Variants in SLC22A15 observed in about 807,000 individuals in gnomAD.
The protein encoded by SLC22A15 is solute carrier family 22 member 15.
In SLC22A15, 45 loss-of-function variants were observed where a neutral mutation model predicts 62.7. That is an observed-to-expected ratio of 0.72 (90% CI 0.56 to 0.92). The LOEUF is 0.92. Among genes scored for constraint, SLC22A15 ranks in the 40% least tolerant of loss-of-function variants. SLC22A15 has a pLI of 0.00. For synonymous variants in SLC22A15, 264 were observed against 267.0 expected (o/e 0.99, Z 0.11); for missense variants, 622 against 665.6 (o/e 0.93, Z 0.72).
intron 1 of SLC22A15, among the ~76,000 whole-genome samples, chr1:115,988,488 A>G (rs902448451): frequency 6.6e-6 from 1 of 152,116 alleles, no homozygotes; most frequent in Non-Finnish European, 1.5e-5. Context: ...TTGACTTTCT[A>G]TGACCATATG....
intron 6 of SLC22A15, among the ~76,000 whole-genome samples, chr1:116,033,583 G>GTATGTA (rs1553223952): frequency 6.9e-6 from 1 of 145,636 alleles, no homozygotes; most frequent in African/African-American, 2.5e-5. Flanking sequence ...GTGTGTGTGT[G>GTATGTA]TGTGTATGTG....
chr1:115,993,885 C>G (rs907984096), intron 2 of SLC22A15, among the ~76,000 whole-genome samples: 2 of 152,092 alleles, frequency 1.3e-5, no homozygotes, highest in Non-Finnish European at 2.9e-5. Flanking sequence ...CACACATGAC[C>G]CAAGCTCTCA....
rs1254158511 is a variant in SLC22A15 at position 116,069,484 on chromosome 1, A to ATT, written c.*2383_*2384dup. The ATT allele has an allele frequency of 6.6e-6, 1 of 151,970 alleles. No individual in the cohort carries two copies. Among genetic ancestry groups the ATT allele is most frequent in the Non-Finnish European group, 1.5e-5 (1 of 67,988 alleles). The allele number at this position is 151,970 out of a possible 1,614,324, so 9.4% of individuals were successfully genotyped here. A position where few individuals can be genotyped will look rare whatever the true frequency, so the allele number is the denominator to read the frequency against. ...TTTTTAATTCTATTCAAAATTAAAAATTTTTTTTCCTAAAATAAAGCAAGA... is the reference window on the plus strand; with the variant it reads ...TTTTTAATTCTATTCAAAATTAAAAATTTTTTTTTTCCTAAAATAAAGCAAGA... On this transcript the variant is annotated 3_prime_UTR_variant, in exon 12 of 12. Transcript: ENST00000369503.
chr1:115,976,538 G>C lies in SLC22A15; in HGVS notation c.-90G>C. 4 of 901,306 alleles carry C rather than the reference G, an allele frequency of 4.4e-6. No individual in the cohort carries two copies. The highest frequency in any genetic ancestry group is 3.6e-5 in the South Asian group (2 of 55,734). 55.8% of individuals were successfully genotyped at this position (901,306 alleles called of 1,614,324 possible). A position where few individuals can be genotyped will look rare whatever the true frequency, so the allele number is the denominator to read the frequency against. ...ATCCCCGCCCCGGCGGGTCCAAGCC[G>C]GTGCCGGGCGCCCAGGGGTTGCCGC... On this transcript the variant is annotated 5_prime_UTR_variant, in exon 1 of 12. Transcript: ENST00000369503.
At chr1:116,066,405 G>A (rs139891995) in intron 10 of SLC22A15, 115 bp from the exon 11 acceptor site, 21 of 854,696 alleles carry the variant, frequency 2.5e-5, no homozygotes, top group South Asian at 2.4e-4. Flanking sequence ...TGTCTAGTGC[G>A]AGGTCATGAA....
At chr1:116,032,161 T>C (rs1437758900) in intron 6 of SLC22A15, 1 of 985,340 alleles carries the variant, frequency 1.0e-6, no homozygotes, top group Admixed American at 6.1e-5. Context: ...GAGCACTTTC[T>C]GAACCTGATT....
At position 116,069,524 on chromosome 1, in the gene SLC22A15, A is replaced by T. The variant is rs140843327; in HGVS notation, c.*2416A>T. 6.6e-6 allele frequency: 1 copy of T among 152,222 alleles called. No individual in the cohort carries two copies. The highest frequency in any genetic ancestry group is 2.4e-5 in the African/African-American group (1 of 41,548). The allele number at this position is 152,222 out of a possible 1,614,324, so 9.4% of individuals were successfully genotyped here. ...ATAAAGCAAGAAAAATAAATGTAAG[A>T]TATATAAGAAACCCCAGAGTTTCCA... On this transcript the variant is annotated 3_prime_UTR_variant, in exon 12 of 12. Transcript: ENST00000369503.
intron 8 of SLC22A15, among the ~76,000 whole-genome samples, chr1:116,044,891 G>A (rs1657888380): frequency 6.6e-6 from 1 of 152,022 alleles, no homozygotes; most frequent in African/African-American, 2.4e-5. Context: ...ATTGGTAATA[G>A]CAATAATAAT....
At chr1:115,984,366 G>A (rs575872517) in intron 1 of SLC22A15, among the ~76,000 whole-genome samples, 1 of 152,226 alleles carries the variant, frequency 6.6e-6, no homozygotes, top group East Asian at 1.9e-4. Context: ...TCTCCTAGGT[G>A]GAATTCACAT....
chr1:116,040,595 T>A (rs1479557031), intron 8 of SLC22A15, among the ~76,000 whole-genome samples: 2 of 152,176 alleles, frequency 1.3e-5, no homozygotes, highest in African/African-American at 4.8e-5. Context: ...TATGCTGTTT[T>A]CTCAAACTCT....
intron 8 of SLC22A15, among the ~76,000 whole-genome samples, chr1:116,047,174 A>G (rs1421349977): frequency 6.6e-6 from 1 of 152,186 alleles, no homozygotes; most frequent in East Asian, 1.9e-4. Context: ...TACACCTGTA[A>G]TCCCAGCACT....
At chr1:116,041,999 A>G (rs1657801398) in intron 8 of SLC22A15, among the ~76,000 whole-genome samples, 1 of 152,072 alleles carries the variant, frequency 6.6e-6, no homozygotes, top group African/African-American at 2.4e-5. Flanking sequence ...CAAAACTCAG[A>G]AAGATCAGTT....
At chr1:115,993,141 C>T (rs1212124852) in intron 2 of SLC22A15, among the ~76,000 whole-genome samples, 1 of 152,102 alleles carries the variant, frequency 6.6e-6, no homozygotes, top group East Asian at 1.9e-4. Context: ...GGGGGCAGAT[C>T]TCATGGTCAG....
chr1:116,027,634 T>C lies in SLC22A15; in HGVS notation c.728+612T>C, dbSNP rs558869907. Among the ~76,000 whole-genome samples the C allele has an allele frequency of 2.4e-4, 36 of 152,252 alleles. 1 individual carries two copies. The highest frequency in any genetic ancestry group is 8.7e-4 in the African/African-American group (36 of 41,572). On this transcript the variant is annotated intron_variant, in intron 5 of 11. Coordinates refer to ENST00000369503, the MANE Select transcript of SLC22A15 (RefSeq NM_018420.3). ...AGGCCACCATTTCCCCAGAAGTTTTTTTTTTTTTGAGACGGAGTTTCGCCC... is the reference window on the plus strand; with the variant it reads ...AGGCCACCATTTCCCCAGAAGTTTTCTTTTTTTTGAGACGGAGTTTCGCCC...
intron 8 of SLC22A15, among the ~76,000 whole-genome samples, chr1:116,038,147 C>A (rs1187973332): frequency 1.3e-5 from 2 of 152,102 alleles, no homozygotes; most frequent in Non-Finnish European, 2.9e-5. Context: ...CACAACAACT[C>A]TCTCATGCTG....
intron 8 of SLC22A15, among the ~76,000 whole-genome samples, chr1:116,061,379 G>A (rs1291113930): frequency 2.0e-5 from 3 of 152,138 alleles, no homozygotes; most frequent in Non-Finnish European, 4.4e-5. Context: ...AGGAAGGAAC[G>A]AGAGTGTTCT....
At chr1:116,000,625 C>CTTTTTT (rs56303802) in intron 2 of SLC22A15, among the ~76,000 whole-genome samples, 32 of 88,218 alleles carry the variant, frequency 3.6e-4, no homozygotes, top group Non-Finnish European at 4.3e-4. Flanking sequence ...CTTTTTTTTC[C>CTTTTTT]TTTTTTTTTT....
intron 1 of SLC22A15, among the ~76,000 whole-genome samples, chr1:115,983,376 TTG>T (rs1310058834): frequency 1.3e-5 from 2 of 152,242 alleles, no homozygotes. Context: ...TTGTTTAATG[TTG>T]TGTCAGTCAT....
At chr1:116,008,524 A>T (rs1282789103) in intron 2 of SLC22A15, among the ~76,000 whole-genome samples, 1 of 152,134 alleles carries the variant, frequency 6.6e-6, no homozygotes, top group Non-Finnish European at 1.5e-5. Flanking sequence ...TCAAGGGGAG[A>T]TGGGGACATG....
Sources: gnomAD v4.1 joint callset for allele counts (sites outside exome capture counted in the v4.1 genomes callset) on GRCh38, gnomAD v4.1.1 for gene constraint, MANE v1.5 for transcripts, NCBI Gene and HGNC (gene_info 2026-07-23, HGNC 2026-07-21) for gene names.